TMEM232: variants seen among roughly 807,000 people sequenced by gnomAD.
The protein encoded by TMEM232 is transmembrane protein 232.
TMEM232 carries 80 observed loss-of-function variants against 78.8 expected under a neutral mutation model. The ratio of observed to expected loss-of-function variants is 1.01; its 90% CI spans 0.85 to 1.22. TMEM232 has a LOEUF of 1.22. TMEM232 is among the 50% of genes most tolerant of loss of function. TMEM232 has a pLI of 0.00. For synonymous variants in TMEM232, 297 were observed against 254.3 expected (o/e 1.17, Z -1.60); for missense variants, 881 against 742.2 (o/e 1.19, Z -2.17).
chr5:110,508,939 TAC>T lies in TMEM232; in HGVS notation c.1703+19647_1703+19648del, dbSNP rs1203608558. 6.4e-3 allele frequency among the ~76,000 whole-genome samples: 904 copies of T among 140,560 alleles called. 7 individuals are homozygous for T. The highest frequency in any genetic ancestry group is 0.021 in the African/African-American group (792 of 38,180). 92.2% of individuals were successfully genotyped at this position (140,560 alleles called of 152,430 possible). A position where few individuals can be genotyped will look rare whatever the true frequency, so the allele number is the denominator to read the frequency against. ...ATATGTATATATATAATTATATATA[TAC>T]ACACACACATATATGTGTATATATG... On this transcript the variant is annotated intron_variant, in intron 12 of 13. Transcript: ENST00000455884.
At chr5:110,674,634 G>T (rs748331901) in intron 1 of TMEM232, among the ~76,000 whole-genome samples, 13 of 152,118 alleles carry the variant, frequency 8.5e-5, no homozygotes, top group Non-Finnish European at 1.8e-4. Context: ...TCATCTGTTG[G>T]CTGTAGCCAA....
chr5:110,451,880 GAAGA>G (rs1251793064), intron 12 of TMEM232, among the ~76,000 whole-genome samples: 1 of 151,858 alleles, frequency 6.6e-6, no homozygotes, highest in Non-Finnish European at 1.5e-5. Flanking sequence ...TTAAATACAA[GAAGA>G]AATATAACTA....
At chr5:110,583,738 T>C (rs1581303861) in intron 10 of TMEM232, among the ~76,000 whole-genome samples, 2 of 151,772 alleles carry the variant, frequency 1.3e-5, no homozygotes, top group African/African-American at 2.4e-5. Flanking sequence ...GACATCTATA[T>C]GTTGAAACAT....
intron 10 of TMEM232, among the ~76,000 whole-genome samples, chr5:110,570,253 T>C (rs899530568): frequency 2.0e-5 from 3 of 151,970 alleles, no homozygotes; most frequent in Admixed American, 2.0e-4. Flanking sequence ...TGAAATAACA[T>C]ATAAAACAAG....
chr5:110,423,776 C>CGTGTGT (rs1403212327), intron 13 of TMEM232, among the ~76,000 whole-genome samples: 4 of 127,610 alleles, frequency 3.1e-5, no homozygotes, highest in East Asian at 2.6e-4. Context: ...GTTATTTATG[C>CGTGTGT]GTGCGTGTGT....
intron 8 of TMEM232, among the ~76,000 whole-genome samples, chr5:110,611,642 C>T (rs1782292287): frequency 6.6e-6 from 1 of 151,964 alleles, no homozygotes; most frequent in Non-Finnish European, 1.5e-5. Context: ...ATTTATGAGA[C>T]ACTGATTGGG....
At chr5:110,511,898 C>T (rs1767804583) in intron 12 of TMEM232, among the ~76,000 whole-genome samples, 1 of 152,122 alleles carries the variant, frequency 6.6e-6, no homozygotes, top group Admixed American at 6.5e-5. Flanking sequence ...GCCAGCCATA[C>T]CACTGGTTTT....
chr5:110,735,662 A>C (rs973250336), intron 1 of TMEM232, among the ~76,000 whole-genome samples: 2 of 152,186 alleles, frequency 1.3e-5, no homozygotes, highest in African/African-American at 4.8e-5. Flanking sequence ...TTCCAAAAAA[A>C]TAGAACATGG....
intron 1 of TMEM232, among the ~76,000 whole-genome samples, chr5:110,695,322 T>C (rs1294684059): frequency 1.3e-5 from 2 of 152,210 alleles, no homozygotes; most frequent in Admixed American, 6.5e-5. Context: ...GGGAAATTTA[T>C]AGCACTAAAT....
chr5:110,534,127 A>G (rs1412226157), intron 11 of TMEM232, among the ~76,000 whole-genome samples: 3 of 152,174 alleles, frequency 2.0e-5, no homozygotes, highest in African/African-American at 7.2e-5. Context: ...CTTTCACTAG[A>G]TAAGTAGAGG....
chr5:110,551,831 A>C (rs1581184316), intron 11 of TMEM232, among the ~76,000 whole-genome samples: 1 of 152,208 alleles, frequency 6.6e-6, no homozygotes, highest in East Asian at 1.9e-4. Flanking sequence ...TAGAAGCCAA[A>C]TAAATGACTT....
chr5:110,453,673 A>G (rs916263450), intron 12 of TMEM232, among the ~76,000 whole-genome samples: 4 of 152,166 alleles, frequency 2.6e-5, no homozygotes, highest in African/African-American at 9.7e-5. Context: ...GGAACCAGAG[A>G]TTACCCAGTG....
At chr5:110,534,109 A>C (rs570080486) in intron 11 of TMEM232, among the ~76,000 whole-genome samples, 6 of 152,294 alleles carry the variant, frequency 3.9e-5, no homozygotes, top group East Asian at 1.9e-4. Context: ...TCTTAGTCTA[A>C]GTAGACACTT....
intron 11 of TMEM232, among the ~76,000 whole-genome samples, chr5:110,531,518 TC>T (rs1771482754): frequency 6.6e-6 from 1 of 152,142 alleles, no homozygotes; most frequent in South Asian, 2.1e-4. Flanking sequence ...TCTCTCACTA[TC>T]CCTCAATCTC....
chr5:110,428,688 C>G (rs763905317), intron 12 of TMEM232, among the ~76,000 whole-genome samples: 1 of 151,250 alleles, frequency 6.6e-6, no homozygotes, highest in South Asian at 2.1e-4. Context: ...AATTTCTCTC[C>G]TCCACTGCAA....
chr5:110,637,288 G>A (rs1325082779), intron 5 of TMEM232, among the ~76,000 whole-genome samples: 4 of 151,242 alleles, frequency 2.6e-5, no homozygotes, highest in East Asian at 1.9e-4. Flanking sequence ...CTCCATCTAC[G>A]CAAAGCTCAG....
At chr5:110,426,170 C>A (rs1028978450) in intron 12 of TMEM232, among the ~76,000 whole-genome samples, 2 of 151,938 alleles carry the variant, frequency 1.3e-5, no homozygotes, top group African/African-American at 4.8e-5. Context: ...AATGCCTACT[C>A]ACCCTTCAGC....
chr5:110,701,966 C>T (rs1052632220), intron 1 of TMEM232, among the ~76,000 whole-genome samples: 3 of 151,964 alleles, frequency 2.0e-5, no homozygotes, highest in Admixed American at 6.6e-5. Context: ...GGGGACTACA[C>T]ATAAATCCAA....
chr5:110,508,972 A>C (rs1391748824), intron 12 of TMEM232, among the ~76,000 whole-genome samples: 1 of 139,974 alleles, frequency 7.1e-6, no homozygotes, highest in African/African-American at 2.8e-5. Flanking sequence ...ATATGTATAT[A>C]TATAAAATTA....
Sources: allele counts gnomAD v4.1 joint callset (sites outside exome capture counted in the v4.1 genomes callset), GRCh38; gene constraint gnomAD v4.1.1; transcripts MANE v1.5; gene names NCBI Gene and HGNC (gene_info 2026-07-23, HGNC 2026-07-21).